MCOLN2: variants seen among roughly 807,000 people sequenced by gnomAD.
MCOLN2 encodes the protein mucolipin TRP cation channel 2, also known as mucolipin-2.
Under a neutral mutation model 67.5 loss-of-function variants are expected in MCOLN2, and 57 were observed. The observed-to-expected ratio is 0.84, with a 90% CI of 0.68 to 1.05. MCOLN2 has a LOEUF of 1.05. MCOLN2 is among the 50% of genes least tolerant of loss of function. The pLI, the probability that MCOLN2 is intolerant of heterozygous loss-of-function variation, is 0.00. For synonymous variants in MCOLN2, 246 were observed against 233.3 expected (o/e 1.05, Z -0.50); for missense variants, 620 against 678.8 (o/e 0.91, Z 0.96).
intron 11 of MCOLN2, chr1:84,937,348 C>T (rs1647486135): frequency 1.3e-5 from 2 of 155,768 alleles, no homozygotes; most frequent in African/African-American, 4.8e-5. Context: ...TAGGCAGTCT[C>T]TGCCCATCTT....
chr1:84,976,635 G>A (rs1013461129), intron 1 of MCOLN2, among the ~76,000 whole-genome samples: 6 of 152,070 alleles, frequency 3.9e-5, no homozygotes, highest in African/African-American at 9.7e-5. Context: ...GCATGGTGGC[G>A]CAGGCCTGTA....
chr1:84,953,407 G>A (rs148536207), intron 4 of MCOLN2, among the ~76,000 whole-genome samples: 2,489 of 152,134 alleles, frequency 0.016, 17 homozygotes, highest in Non-Finnish European at 0.024. Context: ...AAATTTAGCC[G>A]GGCGTGGTGG....
intron 6 of MCOLN2, 147 bp from the exon 7 acceptor site, chr1:84,947,279 C>G (rs947577616): frequency 1.5e-5 from 9 of 593,648 alleles, no homozygotes; most frequent in South Asian, 6.0e-5. Flanking sequence ...ACTAGAATTA[C>G]TTGACACTCA....
At chr1:84,936,276 A>G (rs1360738672) in intron 11 of MCOLN2, among the ~76,000 whole-genome samples, 3 of 152,178 alleles carry the variant, frequency 2.0e-5, no homozygotes, top group Non-Finnish European at 2.9e-5. Context: ...ACCTTCCAGA[A>G]TAATGATGAG....
At chr1:84,981,651 G>A (rs115749884) in intron 1 of MCOLN2, among the ~76,000 whole-genome samples, 2,076 of 152,256 alleles carry the variant, frequency 0.014, 49 homozygotes, top group African/African-American at 0.048. Flanking sequence ...GGTTACCAGC[G>A]GCTGGGAAGA....
At chr1:84,979,271 C>A (rs1282714869) in intron 1 of MCOLN2, among the ~76,000 whole-genome samples, 1 of 152,172 alleles carries the variant, frequency 6.6e-6, no homozygotes, top group East Asian at 1.9e-4. Context: ...TAATACCAAT[C>A]CTACTCAAAC....
rs561915557 is a variant in MCOLN2 at position 84,987,556 on chromosome 1, C to A, written c.77+9240G>T. 2.7e-3 allele frequency among the ~76,000 whole-genome samples: 171 copies of A among 63,358 alleles called. 4 individuals carry two copies. Among genetic ancestry groups the A allele is most frequent in the African/African-American group, 0.01 (141 of 13,612 alleles). 41.6% of individuals were successfully genotyped at this position (63,358 alleles called of 152,430 possible). A position where few individuals can be genotyped will look rare whatever the true frequency, so the allele number is the denominator to read the frequency against. ...TCTATGTATACATAGATGTATACAT[C>A]TATGTATACATAGATGTATACATAG... is the stretch of plus-strand genomic sequence containing the variant. On this transcript the variant is annotated intron_variant, in intron 1 of 13. Coordinates refer to ENST00000370608, the MANE Select transcript of MCOLN2 (RefSeq NM_153259.4).
intron 1 of MCOLN2, among the ~76,000 whole-genome samples, chr1:84,976,698 G>A (rs1357006714): frequency 2.6e-5 from 4 of 152,050 alleles, no homozygotes; most frequent in Admixed American, 6.6e-5. Context: ...CTCAGGAGGT[G>A]GAGGTTGCAG....
chr1:84,953,231 G>A (rs1404495073), intron 4 of MCOLN2, among the ~76,000 whole-genome samples: 1 of 152,080 alleles, frequency 6.6e-6, no homozygotes, highest in Non-Finnish European at 1.5e-5. Context: ...TTTATGCATA[G>A]AAAGAATGAT....
chr1:84,987,267 G>GTA (rs35461977), intron 1 of MCOLN2, among the ~76,000 whole-genome samples: 13 of 136,546 alleles, frequency 9.5e-5, no homozygotes, highest in African/African-American at 3.2e-4. Flanking sequence ...ACATATAGAT[G>GTA]TATATATATA....
rs1430106800 is a variant in MCOLN2 at position 84,926,709 on chromosome 1, A to G, written c.1677T>C (p.Asp559=). ...TTTAGCTAATAGGTATCAAGTGATCATCACTTCTTTTCCTGTAACAGAAAG... is the reference window on the plus strand; with the variant it reads ...TTTAGCTAATAGGTATCAAGTGATCGTCACTTCTTTTCCTGTAACAGAAAG... The part of the protein sequence containing the change: ...CICCRRRKRS[D]DHLIPIS Residue 559 remains aspartate (D), a synonymous_variant, in exon 14 of 14, where the codon GAT becomes GAC. Transcript: ENST00000370608. 6.3e-7 allele frequency: 1 copy of G among 1,597,474 alleles called. No homozygotes were observed.
intron 1 of MCOLN2, among the ~76,000 whole-genome samples, chr1:84,978,450 T>C (rs1650100188): frequency 6.6e-6 from 1 of 151,754 alleles, no homozygotes; most frequent in Non-Finnish European, 1.5e-5. Context: ...AGTTGGTTTT[T>C]CAAAAAGCTA....
intron 4 of MCOLN2, 73 bp from the exon 5 acceptor site, chr1:84,952,603 T>C (rs556105361): frequency 2.1e-6 from 2 of 944,576 alleles, no homozygotes; most frequent in East Asian, 4.8e-5. Context: ...GGTGAAAGTG[T>C]GACAAGAAGC....
At chr1:84,993,194 C>A (rs1650977695) in intron 1 of MCOLN2, among the ~76,000 whole-genome samples, 2 of 152,224 alleles carry the variant, frequency 1.3e-5, no homozygotes, top group Non-Finnish European at 2.9e-5. Flanking sequence ...TCATCCATAA[C>A]AAACAACTCC....
intron 11 of MCOLN2, among the ~76,000 whole-genome samples, chr1:84,934,301 G>A (rs1393568730): frequency 6.6e-6 from 1 of 152,044 alleles, no homozygotes; most frequent in Non-Finnish European, 1.5e-5. Context: ...TATTTAATAC[G>A]TATTAAATGG....
chr1:84,937,505 A>AC, intron 11 of MCOLN2: 1 of 844,294 alleles, frequency 1.2e-6, no homozygotes, highest in Non-Finnish European at 1.5e-6. Flanking sequence ...TAACCATGTG[A>AC]CCCCTTAAGC....
intron 2 of MCOLN2, among the ~76,000 whole-genome samples, chr1:84,964,461 C>A (rs150830981): frequency 1.5e-4 from 20 of 137,034 alleles, no homozygotes; most frequent in African/African-American, 4.8e-4. Flanking sequence ...GATCCCCAAC[C>A]TTGTTGGCAC....
rs74550190 is a variant in MCOLN2, at chr1:84,982,382, C to T, written c.77+14414G>A. On this transcript the variant is annotated intron_variant, in intron 1 of 13. Coordinates refer to ENST00000370608, the MANE Select transcript of MCOLN2 (RefSeq NM_153259.4). ...GAACTCCTGGCCTCAAGCAAGCCTC[C>T]GGCCTTGGCCTCCCAAAATGCTAGG... Among the ~76,000 whole-genome samples the T allele has an allele frequency of 4.6e-3, 698 of 152,244 alleles. 15 individuals carry two copies. The highest frequency in any genetic ancestry group is 0.036 in the Admixed American group (550 of 15,292).
chr1:84,937,632 A>G, intron 11 of MCOLN2, 123 bp downstream of exon 11: 1 of 1,483,244 alleles, frequency 6.7e-7, no homozygotes, highest in South Asian at 1.4e-5. Context: ...TGATACAAAG[A>G]TATGTGATTA....
Sources: gnomAD v4.1 joint callset for allele counts (sites outside exome capture counted in the v4.1 genomes callset) on GRCh38, gnomAD v4.1.1 for gene constraint, MANE v1.5 for transcripts, NCBI Gene and HGNC (gene_info 2026-07-23, HGNC 2026-07-21) for gene names.